LRRC8D: variants seen among roughly 807,000 people sequenced by gnomAD.
LRRC8D encodes the protein volume-regulated anion channel subunit LRRC8D.
LRRC8D carries 20 observed loss-of-function variants against 55.8 expected under a neutral mutation model. That is an observed-to-expected ratio of 0.36 (90% CI 0.25 to 0.52). LRRC8D has a LOEUF of 0.52. LRRC8D is among the 20% of genes least tolerant of loss of function. LRRC8D has a pLI of 0.93. For missense variants in LRRC8D, 651 were observed against 1,030.8 expected (o/e 0.63, Z 5.05); for synonymous variants, 352 against 377.0 (o/e 0.93, Z 0.77).
chr1:89,869,315 C>T (rs942234392), intron 2 of LRRC8D, among the ~76,000 whole-genome samples: 4 of 152,294 alleles, frequency 2.6e-5, no homozygotes, highest in East Asian at 1.9e-4. Flanking sequence ...CTGAAAAACA[C>T]AGCATGAGAA....
At chr1:89,822,644 C>T (rs1353445596) in intron 1 of LRRC8D, among the ~76,000 whole-genome samples, 1 of 152,092 alleles carries the variant, frequency 6.6e-6, no homozygotes, top group African/African-American at 2.4e-5. Flanking sequence ...TGAGGGCTGT[C>T]TACCTTATAA....
At chr1:89,883,109 C>T (rs1557466267) in intron 2 of LRRC8D, among the ~76,000 whole-genome samples, 3 of 151,980 alleles carry the variant, frequency 2.0e-5, no homozygotes. Flanking sequence ...CGGGAGGATC[C>T]CTTGAGGCCA....
At position 89,934,340 on chromosome 1, in the gene LRRC8D, C is replaced by A; in HGVS notation, c.1272C>A (p.Asp424Glu). ...TTGCGTTCCTTCTTCACATGGTAGA[C>A]CAGTATGACCAGCTATATTCCAAGC... Reference protein sequence around the residue: ...NDFAFLLHMVDQYDQLYSKRF... With the variant: ...NDFAFLLHMVEQYDQLYSKRF... Residue 424 changes from aspartate to glutamate, a missense_variant, in exon 3 of 3, where the codon GAC becomes GAA. Around this residue, in one of 5 missense-constraint regions of LRRC8D, gnomAD observed 178 missense variants for 374.9 expected, o/e 0.47. Coordinates refer to ENST00000337338, the MANE Select transcript of LRRC8D (RefSeq NM_001134479.2). This position sits in a 1 kb window ranked among gnomAD's most constrained non-coding sequence, Gnocchi z 5.9. The A allele has an allele frequency of 1.2e-6, 2 of 1,613,758 alleles. No homozygotes were observed. The highest frequency in any genetic ancestry group is 1.7e-6 in the Non-Finnish European group (2 of 1,179,892).
intron 2 of LRRC8D, among the ~76,000 whole-genome samples, chr1:89,916,128 G>A (rs1663263030): frequency 6.6e-6 from 1 of 152,220 alleles, no homozygotes; most frequent in African/African-American, 2.4e-5. Context: ...GGAAATGTTA[G>A]AAATTATAGC....
chr1:89,926,997 A>C (rs1259012028), intron 2 of LRRC8D, among the ~76,000 whole-genome samples: 3 of 152,228 alleles, frequency 2.0e-5, no homozygotes, highest in Admixed American at 2.0e-4. Flanking sequence ...GCAATGTTCC[A>C]CTGTGTTCCA....
rs550945068 is a variant in LRRC8D, at chr1:89,899,690, A to G, written c.-2-33377A>G. The stretch of plus-strand genomic sequence containing the variant: ...TGTATAGGCCCACATCAAAGGATCA[A>G]TGCTTTCAGATTTGTCTTCTATGTG... On this transcript the variant is annotated intron_variant, in intron 2 of 2. Transcript: ENST00000337338. Among the ~76,000 whole-genome samples, 26 of 152,352 alleles carry G rather than the reference A, an allele frequency of 1.7e-4. 1 individual carries two copies. The South Asian group carries it at 4.1e-3, about 24-fold the overall frequency.
In LRRC8D at chr1:89,829,971, C is replaced by G. The variant is rs560222083; in HGVS notation, c.-148+8680C>G. On this transcript the variant is annotated intron_variant, in intron 1 of 2. Transcript: ENST00000337338. ...CATAAACAAATCATGTAAAGATATA[C>G]CTAATATTTGCTAAGGTGTTATGTC... Among the ~76,000 whole-genome samples the G allele has an allele frequency of 1.9e-3, 296 of 152,236 alleles. 1 individual carries two copies. Among genetic ancestry groups the G allele is most frequent in the African/African-American group, 6.9e-3 (286 of 41,516 alleles).
rs184426951 is a variant in LRRC8D, at chr1:89,847,070, A to T, written c.-3+3288A>T. On this transcript the variant is annotated intron_variant, in intron 2 of 2. Transcript: ENST00000337338. The stretch of plus-strand genomic sequence containing the variant: ...ACGTGAGCAAACCCATGTAACTTTA[A>T]ATTATAGATTAAATATTTTTGTAAC... Among the ~76,000 whole-genome samples, 134 of 152,252 alleles carry T rather than the reference A, an allele frequency of 8.8e-4. 1 individual carries two copies. The highest frequency in any genetic ancestry group is 3.2e-3 in the African/African-American group (131 of 41,524).
At position 89,860,817 on chromosome 1, in the gene LRRC8D, CAG is replaced by C. The variant is rs796723052; in HGVS notation, c.-3+17037_-3+17038del. On this transcript the variant is annotated intron_variant, in intron 2 of 2. Transcript: ENST00000337338. The stretch of plus-strand genomic sequence containing the variant: ...ATATATATATATATATATACACACA[CAG>C]ACGCATTTTGTACGTATTTTTAAGA... Among the ~76,000 whole-genome samples the C allele has an allele frequency of 2.6e-3, 270 of 103,086 alleles. 4 individuals are homozygous for C. The highest frequency in any genetic ancestry group is 9.2e-3 in the African/African-American group (260 of 28,218). The allele number at this position is 103,086 out of a possible 152,430, so 67.6% of individuals were successfully genotyped here. A position where few individuals can be genotyped will look rare whatever the true frequency, so the allele number is the denominator to read the frequency against.
intron 2 of LRRC8D, among the ~76,000 whole-genome samples, chr1:89,851,159 A>G (rs955335729): frequency 4.0e-5 from 6 of 150,952 alleles, no homozygotes; most frequent in Non-Finnish European, 7.4e-5. Context: ...GTGGTGTGTC[A>G]CTGCAAAGGC....
At chr1:89,915,388 T>C (rs966699313) in intron 2 of LRRC8D, among the ~76,000 whole-genome samples, 2 of 152,242 alleles carry the variant, frequency 1.3e-5, no homozygotes, top group African/African-American at 4.8e-5. Context: ...CAACTGTTTC[T>C]TGGGTATAAT....
At chr1:89,883,781 G>C (rs1302457590) in intron 2 of LRRC8D, among the ~76,000 whole-genome samples, 1 of 152,204 alleles carries the variant, frequency 6.6e-6, no homozygotes, top group Non-Finnish European at 1.5e-5. Flanking sequence ...GCAGAGCACT[G>C]AACGTTCGTC....
chr1:89,922,186 C>T lies in LRRC8D; in HGVS notation c.-2-10881C>T, dbSNP rs61402053. On this transcript the variant is annotated intron_variant, in intron 2 of 2. Transcript: ENST00000337338. Reference sequence around the variant, plus strand: ...TCAAGCTATGCTCGTGCTTCAGCCTCCCAAGTAGCTGGGATTACAGGTGCT... The same window carrying T: ...TCAAGCTATGCTCGTGCTTCAGCCTTCCAAGTAGCTGGGATTACAGGTGCT... 8.9e-3 allele frequency among the ~76,000 whole-genome samples: 1,359 copies of T among 152,196 alleles called. 16 individuals are homozygous for T. Among genetic ancestry groups the T allele is most frequent in the African/African-American group, 0.031 (1,292 of 41,512 alleles).
chr1:89,897,061 C>T (rs1024215209), intron 2 of LRRC8D, among the ~76,000 whole-genome samples: 7 of 152,116 alleles, frequency 4.6e-5, no homozygotes, highest in African/African-American at 1.7e-4. Context: ...AGAAACTATT[C>T]ATTACTTTGG....
intron 2 of LRRC8D, among the ~76,000 whole-genome samples, chr1:89,865,172 T>G (rs1204379068): frequency 6.6e-6 from 1 of 152,098 alleles, no homozygotes; most frequent in Non-Finnish European, 1.5e-5. Flanking sequence ...TCTCCCGTGT[T>G]TTTGAATGAA....
chr1:89,905,111 A>C (rs750961440), intron 2 of LRRC8D, among the ~76,000 whole-genome samples: 1 of 152,188 alleles, frequency 6.6e-6, no homozygotes, highest in Non-Finnish European at 1.5e-5. Context: ...GATTTATTTC[A>C]GCACACATAA....
chr1:89,825,298 T>C (rs1660737965), intron 1 of LRRC8D, among the ~76,000 whole-genome samples: 1 of 152,196 alleles, frequency 6.6e-6, no homozygotes, highest in Admixed American at 6.5e-5. Context: ...TCTGAGAAAT[T>C]TAAATGCCAG....
In LRRC8D at chr1:89,889,671, CAG is replaced by C. The variant is rs377144667; in HGVS notation, c.-2-43395_-2-43394del. Among the ~76,000 whole-genome samples, 706 of 148,964 alleles carry C rather than the reference CAG, an allele frequency of 4.7e-3. 10 individuals carry two copies. Among genetic ancestry groups the C allele is most frequent in the African/African-American group, 0.017 (672 of 40,354 alleles). ...CCGAGGCTGGTGGATCACTTGAAGTCAGGGGTTCGAGACCAGCCTGGCGAACA... is the reference window on the plus strand; with the variant it reads ...CCGAGGCTGGTGGATCACTTGAAGTCGGGTTCGAGACCAGCCTGGCGAACA... On this transcript the variant is annotated intron_variant, in intron 2 of 2. Coordinates refer to ENST00000337338, the MANE Select transcript of LRRC8D (RefSeq NM_001134479.2).
At chr1:89,888,374 A>G (rs1049444420) in intron 2 of LRRC8D, among the ~76,000 whole-genome samples, 1 of 152,274 alleles carries the variant, frequency 6.6e-6, no homozygotes, top group African/African-American at 2.4e-5. Flanking sequence ...GGAAAGTTAT[A>G]GATAAGCAAG....
Sources: gnomAD v4.1 joint callset for allele counts (sites outside exome capture counted in the v4.1 genomes callset) on GRCh38, gnomAD v4.1.1 for gene constraint, gnomAD v4.1.1 regional missense constraint, Gnocchi (gnomAD v3.1) non-coding constraint, MANE v1.5 for transcripts, NCBI Gene and HGNC (gene_info 2026-07-23, HGNC 2026-07-21) for gene names.